ABCC12: variants seen among roughly 807,000 people sequenced by gnomAD.
ABCC12 encodes ATP-binding cassette sub-family C member 12.
In ABCC12, 142 loss-of-function variants were observed where a neutral mutation model predicts 151.1. That is an observed-to-expected ratio of 0.94 (90% CI 0.82 to 1.08). ABCC12 has a LOEUF of 1.08. Among genes scored for constraint, ABCC12 ranks in the 50% least tolerant of loss-of-function variants. The probability of loss-of-function intolerance (pLI) is 0.00; values close to 1 mark genes in which losing one functional copy is unlikely to be tolerated. For synonymous variants in ABCC12, 645 were observed against 646.4 expected (o/e 1.00, Z 0.03); for missense variants, 1,638 against 1,691.1 (o/e 0.97, Z 0.55).
intron 25 of ABCC12, 106 bp downstream of exon 25, chr16:48,091,014 T>C: frequency 8.7e-7 from 1 of 1,143,400 alleles, no homozygotes; most frequent in Non-Finnish European, 1.3e-6. Context: ...CCCGGCCCGA[T>C]TTCCGTTTTT....
intron 2 of ABCC12, among the ~76,000 whole-genome samples, chr16:48,151,078 T>C (rs1445565002): frequency 2.0e-5 from 3 of 151,716 alleles, no homozygotes; most frequent in East Asian, 3.8e-4. Context: ...TAGTACCATA[T>C]GGAAAAGGAA....
chr16:48,146,286 C>T lies in ABCC12; in HGVS notation c.119+20G>A, dbSNP rs753382231. On this transcript the variant is annotated intron_variant, in intron 3 of 30. Coordinates refer to ENST00000311303, the MANE Select transcript of ABCC12 (RefSeq NM_001393797.1). ...GGAGGTCCTGCCCTGGCCCTCCCTTCTGTCCTTCTTCTGACTTACCTTGCA... is the reference window on the plus strand; with the variant it reads ...GGAGGTCCTGCCCTGGCCCTCCCTTTTGTCCTTCTTCTGACTTACCTTGCA... 27 of 1,611,212 alleles carry T rather than the reference C, an allele frequency of 1.7e-5. No individual in the cohort carries two copies. Among genetic ancestry groups the T allele is most frequent in the Middle Eastern group, 3.3e-4 (2 of 6,076 alleles).
intron 25 of ABCC12, among the ~76,000 whole-genome samples, chr16:48,089,117 A>G (rs1962767172): frequency 6.6e-6 from 1 of 152,140 alleles, no homozygotes; most frequent in South Asian, 2.1e-4. Flanking sequence ...AGGTTGGGGG[A>G]ATAGCTAGCA....
Position 48,100,961 on chromosome 16 carries a change from G to C in ABCC12, c.2949C>G (p.Ser983Arg). Reference sequence around the variant, plus strand: ...TGATGTGGGTGAACCAGGGTGACCGGCTGACATTCTCCACCTTCTTGAGCT... The same window carrying C: ...TGATGTGGGTGAACCAGGGTGACCGCCTGACATTCTCCACCTTCTTGAGCT... ...VQELKKVENVSRSPWFTHITS... is the reference protein window; with the variant it reads ...VQELKKVENVRRSPWFTHITS... Residue 983 changes from serine (S) to arginine (R), a missense_variant, in exon 23 of 31, where the codon AGC (serine) becomes AGG (arginine). Ser to Arg is a moderately radical substitution (Grantham distance 110). Coordinates refer to ENST00000311303, the MANE Select transcript of ABCC12 (RefSeq NM_001393797.1). 3 of 1,614,212 alleles carry C rather than the reference G, an allele frequency of 1.9e-6. No individual in the cohort carries two copies. The East Asian group carries it at 6.7e-5, about 36-fold the overall frequency.
chr16:48,107,305 G>A lies in ABCC12; in HGVS notation c.2475+17C>T. The A allele has an allele frequency of 6.2e-7, 1 of 1,611,198 alleles. No individual in the cohort carries two copies. Among genetic ancestry groups the A allele is most frequent in the Non-Finnish European group, 8.5e-7 (1 of 1,177,364 alleles). ...AGACACAGACTCGGCATCTTCCAAT[G>A]CCAAAGGGAAACTCACCCGTGAGCC... On this transcript the variant is annotated intron_variant, in intron 20 of 30. Transcript: ENST00000311303.
chr16:48,108,027 A>G (rs932618612), intron 19 of ABCC12, among the ~76,000 whole-genome samples: 1 of 152,120 alleles, frequency 6.6e-6, no homozygotes, highest in Non-Finnish European at 1.5e-5. Context: ...AAGGAAAGAA[A>G]GAAAGAAAGA....
At position 48,146,362 on chromosome 16, in the gene ABCC12, A is replaced by G; in HGVS notation, c.63T>C (p.Phe21=). The G allele has an allele frequency of 1.2e-6, 2 of 1,614,188 alleles. No homozygotes were observed. Among genetic ancestry groups the G allele is most frequent in the East Asian group, 4.5e-5 (2 of 44,880 alleles). ...TCAGGCTGGGGTCATATCTTTCTGC[A>G]AAGGATCTCCGCCGGCCTCGCTGGT... ...DLDQRGRRRS[F]AERYDPSLKT... is the part of the protein sequence containing the mutation. Residue 21 remains phenylalanine, a synonymous_variant, in exon 3 of 31, where the codon TTT becomes TTC. Transcript: ENST00000311303.
At chr16:48,115,679 G>A (rs1297730089) in intron 14 of ABCC12, 61 bp from the exon 15 acceptor site, 2 of 1,514,098 alleles carry the variant, frequency 1.3e-6, no homozygotes, top group African/African-American at 1.4e-5. Context: ...TTGGGCAATG[G>A]AAGCTTCCTG....
chr16:48,140,844 A>G lies in ABCC12; in HGVS notation c.500T>C (p.Ile167Thr). Residue 167 changes from isoleucine to threonine, a missense_variant, in exon 6 of 31, where the codon ATA (isoleucine) becomes ACA (threonine). By Grantham distance (89) the Ile-to-Thr change is moderately conservative. Transcript: ENST00000311303. ...GGTAAACTCGGTGGCAAAAAGGGCT[A>G]TGCACAGTCCAATGCCAACCCAGAC... ...GKVWVGIGLC[I>T]ALFATEFTKV... 1 of 1,614,148 alleles carries G rather than the reference A, an allele frequency of 6.2e-7. No individual in the cohort carries two copies. The highest frequency in any genetic ancestry group is 8.5e-7 in the Non-Finnish European group (1 of 1,180,024).
At chr16:48,115,348 C>G in intron 15 of ABCC12, 67 bp downstream of exon 15, 7 of 1,534,950 alleles carry the variant, frequency 4.6e-6, no homozygotes, top group Non-Finnish European at 5.4e-6. Flanking sequence ...GAAGAGGAGG[C>G]TCTGTGAGCA....
At chr16:48,124,372 G>T in intron 11 of ABCC12, 88 bp from the exon 12 acceptor site, 1 of 1,333,786 alleles carries the variant, frequency 7.5e-7, no homozygotes. Context: ...AACTATGCTG[G>T]TCAGGCCAGG....
In ABCC12 at chr16:48,105,279, C is replaced by T; in HGVS notation, c.2533G>A (p.Asp845Asn). The T allele has an allele frequency of 6.2e-7, 1 of 1,613,896 alleles. No homozygotes were observed. The highest frequency in any genetic ancestry group is 8.5e-7 in the Non-Finnish European group (1 of 1,180,026). The change falls in exon 21 of 31, where the codon GAC (aspartate) becomes AAC (asparagine). Residue 845 changes from aspartate (D) to asparagine (N), a missense_variant. Asp to Asn is a conservative substitution (Grantham distance 23, BLOSUM62 1). Transcript: ENST00000311303. ...TMCEVGAVLA[D>N]IGQHVYQWVY... ...CACTGGTACACATGCTGACCGATGT[C>T]TGCCAGCACCGCGCCGACCTCACAC...
chr16:48,112,015 A>C, intron 15 of ABCC12, 105 bp from the exon 16 acceptor site: 2 of 1,414,328 alleles, frequency 1.4e-6, no homozygotes, highest in Non-Finnish European at 1.9e-6. Flanking sequence ...GGGCCAGATC[A>C]TTCTTTGTTT....
chr16:48,130,742 C>T (rs1214471342), intron 10 of ABCC12, 46 bp downstream of exon 10: 1 of 1,486,844 alleles, frequency 6.7e-7, no homozygotes, highest in South Asian at 1.1e-5. Context: ...ATTTTCCCAC[C>T]CCAAAATGAG....
At chr16:48,121,668 G>C (rs771151491) in intron 13 of ABCC12, 48 bp downstream of exon 13, 1 of 1,610,238 alleles carries the variant, frequency 6.2e-7, no homozygotes, top group Non-Finnish European at 8.5e-7. Context: ...CTGTAGGAGA[G>C]TGTGTACCAA....
At chr16:48,119,702 AG>A (rs1284973274) in intron 13 of ABCC12, among the ~76,000 whole-genome samples, 1 of 152,210 alleles carries the variant, frequency 6.6e-6, no homozygotes, top group Admixed American at 6.5e-5. Context: ...AAGATGAGAA[AG>A]GCCAAACTAC....
At chr16:48,147,983 T>G (rs1965054775) in intron 2 of ABCC12, among the ~76,000 whole-genome samples, 4 of 152,226 alleles carry the variant, frequency 2.6e-5, no homozygotes. Context: ...AGTCTCACTC[T>G]GTCGCCCAGG....
chr16:48,101,628 C>T (rs547675270), intron 22 of ABCC12, among the ~76,000 whole-genome samples: 4 of 151,824 alleles, frequency 2.6e-5, no homozygotes, highest in Non-Finnish European at 5.9e-5. Context: ...TCAGCCAAAA[C>T]AAACCCAGGG....
At position 48,083,905 on chromosome 16, in the gene ABCC12, A is replaced by G. The variant is rs747241166; in HGVS notation, c.3993+4T>C. ...GGAGGTGAAGCCAAAAGAGCTTCCT[A>G]TACCTTCCCATTTTCCATAACCAGG... is the stretch of plus-strand genomic sequence containing the variant. On this transcript the variant is annotated splice_donor_region_variant and intron_variant, in intron 30 of 30. Transcript: ENST00000311303. The G allele has an allele frequency of 1.9e-6, 3 of 1,612,210 alleles. No individual in the cohort carries two copies. The South Asian group carries it at 3.3e-5, about 18-fold the overall frequency.
Sources: allele counts gnomAD v4.1 joint callset (sites outside exome capture counted in the v4.1 genomes callset), GRCh38; gene constraint gnomAD v4.1.1; transcripts MANE v1.5; gene names NCBI Gene and HGNC (gene_info 2026-07-23, HGNC 2026-07-21).